Variants in SLC38A9 observed in about 807,000 individuals in gnomAD.
SLC38A9 encodes the protein neutral amino acid transporter 9.
Under a neutral mutation model 62.3 loss-of-function variants are expected in SLC38A9, and 48 were observed. The observed-to-expected ratio is 0.77, with a 90% confidence interval of 0.61 to 0.98. The LOEUF is 0.98. SLC38A9 is among the 50% of genes least tolerant of loss of function. The probability of loss-of-function intolerance (pLI) is 0.00; values close to 1 mark genes in which losing one functional copy is unlikely to be tolerated. For missense variants in SLC38A9, 541 were observed against 679.8 expected (o/e 0.80, Z 2.27); for synonymous variants, 204 against 227.7 (o/e 0.90, Z 0.94).
intron 10 of SLC38A9, among the ~76,000 whole-genome samples, chr5:55,649,571 C>T (rs1862535): frequency 0.59 from 90,352 of 151,908 alleles, 27,548 homozygotes; most frequent in South Asian, 0.7. Flanking sequence ...CCTGTAATCC[C>T]AGCACTTTGG....
intron 8 of SLC38A9, among the ~76,000 whole-genome samples, chr5:55,659,288 C>T (rs541206996): frequency 0.01 from 984 of 96,896 alleles, 13 homozygotes; most frequent in African/African-American, 0.029. Context: ...CACATTTATA[C>T]GTATATGTCT....
At position 55,626,038 on chromosome 5, in the gene SLC38A9, C is replaced by CA. The variant is rs1418566734; in HGVS notation, c.*455dup. On this transcript the variant is annotated 3_prime_UTR_variant, in exon 16 of 16. Transcript: ENST00000396865. The stretch of plus-strand genomic sequence containing the variant: ...GAGGTATTTGGCTTACTGTCCCAAA[C>CA]AGTAGAGGTTTGGGCAAACTGCAGA... 2.6e-5 allele frequency: 4 copies of CA among 153,708 alleles called. No homozygotes were observed. The highest frequency in any genetic ancestry group is 9.6e-5 in the African/African-American group (4 of 41,540). 9.5% of individuals were successfully genotyped at this position (153,708 alleles called of 1,614,324 possible).
intron 14 of SLC38A9, among the ~76,000 whole-genome samples, chr5:55,632,386 C>A (rs971411339): frequency 3.3e-5 from 5 of 151,996 alleles, no homozygotes; most frequent in African/African-American, 4.8e-5. Context: ...TGCAGTGAGC[C>A]GAGATCGCGC....
At position 55,669,564 on chromosome 5, in the gene SLC38A9, A is replaced by T. The variant is rs769818556; in HGVS notation, c.425T>A (p.Ile142Lys). 1.9e-6 allele frequency: 3 copies of T among 1,606,138 alleles called. No individual in the cohort carries two copies. In the Admixed American group the frequency reaches 5.1e-5, roughly 27 times the overall value. The change falls in exon 6 of 16, where the codon ATA becomes AAA. Residue 142 changes from isoleucine to lysine, a missense_variant. Physicochemically the swap from Ile to Lys is moderately radical, Grantham distance 102. Transcript: ENST00000396865. Reference protein sequence around the residue: ...GTSILSIPWGIKQAGFTTGMC... With the variant: ...GTSILSIPWGKKQAGFTTGMC... Reference sequence around the variant, plus strand: ...CTGAAAAATTAGTATTACCTGTTTTATGCCCCAAGGAATGCTTAGTATAGA... The same window carrying T: ...CTGAAAAATTAGTATTACCTGTTTTTTGCCCCAAGGAATGCTTAGTATAGA...
At chr5:55,659,575 A>T (rs190262869) in intron 8 of SLC38A9, among the ~76,000 whole-genome samples, 1 of 151,754 alleles carries the variant, frequency 6.6e-6, no homozygotes, top group Non-Finnish European at 1.5e-5. Flanking sequence ...TTTAGTAGAG[A>T]CGGGGTTTCA....
intron 2 of SLC38A9, among the ~76,000 whole-genome samples, chr5:55,699,284 A>AG (rs1756336946): frequency 6.6e-6 from 1 of 152,120 alleles, no homozygotes; most frequent in South Asian, 2.1e-4. Context: ...ACCCAAAACT[A>AG]CTGACCACAT....
At chr5:55,691,131 C>T in intron 3 of SLC38A9, 2 of 716,332 alleles carry the variant, frequency 2.8e-6, no homozygotes, top group Non-Finnish European at 5.0e-6. Context: ...TATCAGAGCA[C>T]CTGAAATGTT....
intron 3 of SLC38A9, among the ~76,000 whole-genome samples, chr5:55,688,873 C>A (rs904009321): frequency 6.6e-6 from 1 of 152,106 alleles, no homozygotes; most frequent in African/African-American, 2.4e-5. Flanking sequence ...GGCATAGCTA[C>A]ACTCAAAGAC....
chr5:55,669,482 A>G (rs929371188), intron 6 of SLC38A9, 75 bp downstream of exon 6: 47 of 1,414,128 alleles, frequency 3.3e-5, no homozygotes, highest in Non-Finnish European at 4.3e-5. Flanking sequence ...AGATTTATTA[A>G]AACCTCTGTT....
rs777446546 is a variant in SLC38A9, at chr5:55,691,143, TCA to T, written c.113+6701_113+6702del. On this transcript the variant is annotated intron_variant, in intron 3 of 15. Transcript: ENST00000396865. ...GCTTATCAGAGCACCTGAAATGTTCTCAGTTAGAAAAATCTTGAAACTTTTGG... is the reference window on the plus strand; with the variant it reads ...GCTTATCAGAGCACCTGAAATGTTCTGTTAGAAAAATCTTGAAACTTTTGG... The T allele has an allele frequency of 6.6e-5, 48 of 731,836 alleles. No individual in the cohort carries two copies. The African/African-American group carries it at 7.8e-4, about 12-fold the overall frequency. The allele number at this position is 731,836 out of a possible 1,614,324, so 45.3% of individuals were successfully genotyped here. A position where few individuals can be genotyped will look rare whatever the true frequency, so the allele number is the denominator to read the frequency against.
chr5:55,703,202 TA>T (rs11312120), intron 2 of SLC38A9, among the ~76,000 whole-genome samples: 91,012 of 151,118 alleles, frequency 0.6, 27,904 homozygotes, highest in South Asian at 0.7. Context: ...TCAATAAAGT[TA>T]AAAAAAAAAT....
At chr5:55,682,655 C>G (rs6896429) in intron 3 of SLC38A9, among the ~76,000 whole-genome samples, 90,851 of 151,612 alleles carry the variant, frequency 0.6, 27,793 homozygotes, top group South Asian at 0.7. Context: ...TGCACTTGTA[C>G]TCTCAGCCTC....
intron 3 of SLC38A9, chr5:55,693,276 G>A (rs895114421): frequency 3.3e-5 from 5 of 152,058 alleles, no homozygotes; most frequent in African/African-American, 1.2e-4. Flanking sequence ...TACCCAAATG[G>A]TGGCATACTA....
At chr5:55,641,383 G>T (rs763830197) in intron 12 of SLC38A9, among the ~76,000 whole-genome samples, 10 of 152,148 alleles carry the variant, frequency 6.6e-5, no homozygotes, top group Non-Finnish European at 1.3e-4. Flanking sequence ...ACATCTCTGA[G>T]AATTCGATTA....
chr5:55,669,734 G>A, intron 5 of SLC38A9, 24 bp downstream of exon 5: 2 of 1,606,320 alleles, frequency 1.2e-6, no homozygotes, highest in Non-Finnish European at 1.7e-6. Context: ...TTTAAGTCAT[G>A]CTCCAAAAAG....
intron 12 of SLC38A9, among the ~76,000 whole-genome samples, chr5:55,638,688 C>T (rs917389270): frequency 6.6e-6 from 1 of 152,124 alleles, no homozygotes; most frequent in African/African-American, 2.4e-5. Context: ...AGAAACTGAC[C>T]ACACAGACTG....
At chr5:55,668,935 G>A (rs1354747550) in intron 7 of SLC38A9, among the ~76,000 whole-genome samples, 1 of 152,186 alleles carries the variant, frequency 6.6e-6, no homozygotes, top group Non-Finnish European at 1.5e-5. Flanking sequence ...TCTCAATTTA[G>A]TTTTGGCAAA....
At chr5:55,682,075 T>G (rs2150439722) in intron 3 of SLC38A9, among the ~76,000 whole-genome samples, 1 of 150,364 alleles carries the variant, frequency 6.7e-6, no homozygotes. Flanking sequence ...CTCTCCTCCT[T>G]GACGGGCAAA....
chr5:55,629,742 T>G (rs1743095758), intron 14 of SLC38A9, among the ~76,000 whole-genome samples: 1 of 152,218 alleles, frequency 6.6e-6, no homozygotes, highest in Non-Finnish European at 1.5e-5. Flanking sequence ...GGAAAACAAC[T>G]GGCAGTATTT....
Sources: gnomAD v4.1 joint callset for allele counts (sites outside exome capture counted in the v4.1 genomes callset) on GRCh38, gnomAD v4.1.1 for gene constraint, MANE v1.5 for transcripts, NCBI Gene and HGNC (gene_info 2026-07-23, HGNC 2026-07-21) for gene names.